Variants in CYTH1 observed in about 807,000 individuals in gnomAD.
The protein encoded by CYTH1 is cytohesin-1.
Under a neutral mutation model 61.8 loss-of-function variants are expected in CYTH1, and 18 were observed. The ratio of observed to expected loss-of-function variants is 0.29; its 90% confidence interval spans 0.20 to 0.43. The LOEUF is 0.43. CYTH1 is among the 20% of genes least tolerant of loss of function. The pLI is 1.00. For missense variants in CYTH1, 336 were observed against 510.5 expected (o/e 0.66, Z 3.29); for synonymous variants, 174 against 184.3 (o/e 0.94, Z 0.45).
chr17:78,680,997 G>C lies in CYTH1; in HGVS notation c.937C>G (p.Arg313Gly). 6.2e-7 allele frequency: 1 copy of C among 1,613,944 alleles called. No individual in the cohort carries two copies. Among genetic ancestry groups the C allele is most frequent in the Non-Finnish European group, 8.5e-7 (1 of 1,179,978 alleles). The change falls in exon 12 of 14, where the codon CGG (arginine) becomes GGG (glycine). Residue 313 changes from arginine (R) to glycine (G), a missense_variant. Transcript: ENST00000446868. ...GGTTTTTTGGAGTCCTCCACTTCCC[G>C]GATACTCAGATTCTCTAAAGGGATG... Reference protein sequence around the residue: ...GIIPLENLSIREVEDSKKPNC... With the variant: ...GIIPLENLSIGEVEDSKKPNC...
chr17:78,731,428 CAGG>C (rs1157795856), intron 1 of CYTH1, among the ~76,000 whole-genome samples: 1 of 152,092 alleles, frequency 6.6e-6, no homozygotes, highest in African/African-American at 2.4e-5. Context: ...TGAAGGTAAA[CAGG>C]AGAAGATGGT....
At position 78,782,192 on chromosome 17, in the gene CYTH1, G is replaced by A. The variant is rs1001734130; in HGVS notation, c.22+10C>T. 3.6e-5 allele frequency: 49 copies of A among 1,367,386 alleles called. No individual in the cohort carries two copies. The highest frequency in any genetic ancestry group is 4.0e-5 in the Non-Finnish European group (42 of 1,045,726). The allele number at this position is 1,367,386 out of a possible 1,614,324, so 84.7% of individuals were successfully genotyped here. On this transcript the variant is annotated intron_variant, in intron 1 of 13. Transcript: ENST00000446868. Reference sequence around the variant, plus strand: ...CGAGGGGGAAGCGTCCGCCGCCGGGGCGCACTGACCGTAGCTGTCGTCCTC... The same window carrying A: ...CGAGGGGGAAGCGTCCGCCGCCGGGACGCACTGACCGTAGCTGTCGTCCTC...
At chr17:78,763,879 G>A (rs1041911273) in intron 1 of CYTH1, among the ~76,000 whole-genome samples, 41 of 152,208 alleles carry the variant, frequency 2.7e-4, no homozygotes, top group African/African-American at 9.9e-4. Flanking sequence ...GGAAGGCTGA[G>A]ATAGGCACAT....
At chr17:78,698,094 C>T (rs543540091) in intron 9 of CYTH1, among the ~76,000 whole-genome samples, 175 bp downstream of exon 9, 1 of 152,300 alleles carries the variant, frequency 6.6e-6, no homozygotes, top group South Asian at 2.1e-4. Flanking sequence ...CTACATGGTG[C>T]GTGTGTGTCC....
chr17:78,710,243 T>C (rs560858751), intron 1 of CYTH1, among the ~76,000 whole-genome samples: 17 of 152,178 alleles, frequency 1.1e-4, no homozygotes, highest in Non-Finnish European at 1.6e-4. Context: ...AGAGACTATG[T>C]ATGCACTGAG....
chr17:78,761,630 T>A (rs9302884), intron 1 of CYTH1, among the ~76,000 whole-genome samples: 148 of 152,242 alleles, frequency 9.7e-4, no homozygotes, highest in African/African-American at 3.4e-3. Flanking sequence ...CCCAGCTACT[T>A]GGGAGGCTGA....
chr17:78,746,100 T>C (rs982040160), intron 1 of CYTH1, among the ~76,000 whole-genome samples: 22 of 152,250 alleles, frequency 1.4e-4, no homozygotes, highest in African/African-American at 5.1e-4. Context: ...GCTTCTACTA[T>C]ACAGGCAGAC....
chr17:78,674,822 T>C lies in CYTH1; in HGVS notation c.*1269A>G, dbSNP rs1269902221. The C allele has an allele frequency of 6.6e-6, 1 of 152,110 alleles. No individual in the cohort carries two copies. Among genetic ancestry groups the C allele is most frequent in the Non-Finnish European group, 1.5e-5 (1 of 68,116 alleles). The allele number at this position is 152,110 out of a possible 1,614,324, so 9.4% of individuals were successfully genotyped here. A position where few individuals can be genotyped will look rare whatever the true frequency, so the allele number is the denominator to read the frequency against. On this transcript the variant is annotated 3_prime_UTR_variant, in exon 14 of 14. Transcript: ENST00000446868. Reference sequence around the variant, plus strand: ...AGTCCCTGAGAGAACGGCAGGAAAATGCTGCGTGTCACGGCTCCCTTCATA... The same window carrying C: ...AGTCCCTGAGAGAACGGCAGGAAAACGCTGCGTGTCACGGCTCCCTTCATA...
At chr17:78,686,249 A>G (rs1166040323) in intron 11 of CYTH1, among the ~76,000 whole-genome samples, 1 of 152,226 alleles carries the variant, frequency 6.6e-6, no homozygotes, top group African/African-American at 2.4e-5. Flanking sequence ...TTATATTTTC[A>G]GCTAATTTGT....
At chr17:78,751,357 A>G (rs1001645194) in intron 1 of CYTH1, among the ~76,000 whole-genome samples, 4 of 152,034 alleles carry the variant, frequency 2.6e-5, no homozygotes, top group African/African-American at 7.2e-5. Flanking sequence ...CTAACATACT[A>G]TATTTTCTCC....
intron 1 of CYTH1, among the ~76,000 whole-genome samples, chr17:78,763,999 T>A (rs143893639): frequency 1.3e-5 from 2 of 151,978 alleles, no homozygotes; most frequent in South Asian, 4.2e-4. Context: ...CAGTCCCAGC[T>A]ACTCGGGAGG....
intron 1 of CYTH1, among the ~76,000 whole-genome samples, chr17:78,745,998 AGTACTGATTTCCT>A (rs1352790508): frequency 6.6e-6 from 1 of 152,236 alleles, no homozygotes; most frequent in Non-Finnish European, 1.5e-5. Flanking sequence ...TATATTCACC[AGTACTGATTTCCT>A]GAAAGGGCTT....
Position 78,700,145 on chromosome 17 carries a change from T to C in CYTH1, c.550+186A>G, listed in dbSNP as rs577488960. Among the ~76,000 whole-genome samples the C allele has an allele frequency of 2.0e-5, 3 of 152,316 alleles. No individual in the cohort carries two copies. Among genetic ancestry groups the C allele is most frequent in the African/African-American group, 7.2e-5 (3 of 41,570 alleles). ...ATTTCGTAGTTCAGAGGTACCACAA[T>C]TTAAATTCATAGTGCCTTAATGTCA... On this transcript the variant is annotated intron_variant, in intron 7 of 13. Transcript: ENST00000446868. This position sits in a 1 kb window ranked among gnomAD's most constrained non-coding sequence, Gnocchi z 5.1.
chr17:78,759,035 C>CA (rs1330224497), intron 1 of CYTH1, among the ~76,000 whole-genome samples: 1 of 150,896 alleles, frequency 6.6e-6, no homozygotes, highest in African/African-American at 2.4e-5. Flanking sequence ...CATAGGAGAT[C>CA]GAGGTTGCAG....
chr17:78,697,614 G>GA (rs397968699), intron 9 of CYTH1, among the ~76,000 whole-genome samples: 2,556 of 142,368 alleles, frequency 0.018, 70 homozygotes, highest in African/African-American at 0.058. Flanking sequence ...AAAAAAAAAA[G>GA]AAAAAAAAAA....
At chr17:78,759,497 C>G (rs967977717) in intron 1 of CYTH1, among the ~76,000 whole-genome samples, 11 of 152,302 alleles carry the variant, frequency 7.2e-5, no homozygotes, top group Admixed American at 2.6e-4. Flanking sequence ...AGGAACAAAA[C>G]AGAAAACCAC....
At chr17:78,714,049 G>T (rs544535906) in intron 1 of CYTH1, among the ~76,000 whole-genome samples, 1 of 152,178 alleles carries the variant, frequency 6.6e-6, no homozygotes, top group Non-Finnish European at 1.5e-5. Flanking sequence ...TAGCACTTTG[G>T]GAGGCTGAGA....
chr17:78,740,650 ACATTTAAC>A (rs1337374848), intron 1 of CYTH1, among the ~76,000 whole-genome samples: 1 of 152,200 alleles, frequency 6.6e-6, no homozygotes, highest in East Asian at 1.9e-4. Flanking sequence ...CTTAAAATAG[ACATTTAAC>A]CACTGCATCA....
At chr17:78,769,111 A>G (rs1442354637) in intron 1 of CYTH1, among the ~76,000 whole-genome samples, 1 of 151,504 alleles carries the variant, frequency 6.6e-6, no homozygotes, top group Non-Finnish European at 1.5e-5. Flanking sequence ...ACGCCACTGC[A>G]CTCCAGCCTA....
Sources: gnomAD v4.1 joint callset for allele counts (sites outside exome capture counted in the v4.1 genomes callset) on GRCh38, gnomAD v4.1.1 for gene constraint, Gnocchi (gnomAD v3.1) non-coding constraint, MANE v1.5 for transcripts, NCBI Gene and HGNC (gene_info 2026-07-23, HGNC 2026-07-21) for gene names.